PDE4B: variants seen among roughly 807,000 people sequenced by gnomAD.
PDE4B encodes 3',5'-cyclic-AMP phosphodiesterase 4B.
Under a neutral mutation model 82.2 loss-of-function variants are expected in PDE4B, and 20 were observed. The ratio of observed to expected loss-of-function variants is 0.24; its 90% CI spans 0.17 to 0.35. PDE4B has a LOEUF of 0.35. Ranked by LOEUF, PDE4B falls within the 10% of genes least tolerant of loss-of-function variation. The pLI, the probability that PDE4B is intolerant of heterozygous loss-of-function variation, is 1.00. For synonymous variants in PDE4B, 320 were observed against 318.9 expected (o/e 1.00, Z -0.04); for missense variants, 655 against 907.2 (o/e 0.72, Z 3.57).
rs762437724 is a variant in PDE4B at position 66,017,220 on chromosome 1, C to A, written c.281+98385C>A. ...TTGTATTTGTGTAACCAGTATCTCT[C>A]ATTCTGCTGCATATATATAAGGCCT... is the stretch of plus-strand genomic sequence containing the variant. On this transcript the variant is annotated intron_variant, in intron 3 of 16. Coordinates refer to ENST00000341517, the MANE Select transcript of PDE4B (RefSeq NM_002600.4). Among the ~76,000 whole-genome samples the A allele has an allele frequency of 2.0e-5, 3 of 152,296 alleles. No homozygotes were observed. The East Asian group carries it at 5.8e-4, about 29-fold the overall frequency.
At chr1:66,091,925 C>A (rs1039797883) in intron 3 of PDE4B, among the ~76,000 whole-genome samples, 5 of 152,008 alleles carry the variant, frequency 3.3e-5, no homozygotes, top group African/African-American at 4.8e-5. Flanking sequence ...GGTGATATAT[C>A]TAATATCCAT....
intron 3 of PDE4B, among the ~76,000 whole-genome samples, chr1:66,153,145 C>CCACA (rs1646436750): frequency 6.6e-6 from 1 of 152,144 alleles, no homozygotes; most frequent in Non-Finnish European, 1.5e-5. Flanking sequence ...TTCTCATGCC[C>CCACA]CACACCAGAT....
chr1:65,940,849 G>T (rs1262403785), intron 3 of PDE4B, among the ~76,000 whole-genome samples: 1 of 151,994 alleles, frequency 6.6e-6, no homozygotes, highest in Non-Finnish European at 1.5e-5. Context: ...TGAAATTTCA[G>T]ATGAGAGAGA....
intron 3 of PDE4B, among the ~76,000 whole-genome samples, chr1:65,958,454 A>G (rs1297367767): frequency 1.3e-5 from 2 of 152,134 alleles, no homozygotes; most frequent in South Asian, 2.1e-4. Flanking sequence ...TGGTATTTTA[A>G]AAAGTATCAA....
intron 3 of PDE4B, among the ~76,000 whole-genome samples, chr1:65,920,991 C>T (rs1426702883): frequency 4.5e-5 from 4 of 89,314 alleles, no homozygotes; most frequent in Non-Finnish European, 6.0e-5. Context: ...TTTTTTGAGA[C>T]GGAGTCTCGC....
At chr1:65,995,949 A>G (rs560999351) in intron 3 of PDE4B, among the ~76,000 whole-genome samples, 1 of 152,310 alleles carries the variant, frequency 6.6e-6, no homozygotes, top group African/African-American at 2.4e-5. Context: ...TAGATTTCAT[A>G]TTTCAGTCAG....
chr1:66,276,483 A>C (rs142562855), intron 7 of PDE4B, among the ~76,000 whole-genome samples: 5 of 152,356 alleles, frequency 3.3e-5, no homozygotes, highest in African/African-American at 9.6e-5. Context: ...GGAAAATGTC[A>C]TAGCAAGAAA....
At chr1:66,257,375 G>T (rs1443725288) in intron 4 of PDE4B, 1 of 582,944 alleles carries the variant, frequency 1.7e-6, no homozygotes. Flanking sequence ...GTTATTTAAT[G>T]GGAATATATC....
intron 3 of PDE4B, among the ~76,000 whole-genome samples, chr1:66,177,091 T>C (rs1438179186): frequency 6.6e-6 from 1 of 152,178 alleles, no homozygotes; most frequent in African/African-American, 2.4e-5. Flanking sequence ...GGAGGTGACA[T>C]TTGACTTCAG....
chr1:65,973,654 C>G lies in PDE4B; in HGVS notation c.281+54819C>G, dbSNP rs898137419. Among the ~76,000 whole-genome samples, 3 of 152,226 alleles carry G rather than the reference C, an allele frequency of 2.0e-5. No individual in the cohort carries two copies. The East Asian group carries it at 5.8e-4, about 29-fold the overall frequency. Reference sequence around the variant, plus strand: ...GCAGGAAGGTATTGTGGGAAAAACACTAAAAGGAACAACACAAGATCTCTC... The same window carrying G: ...GCAGGAAGGTATTGTGGGAAAAACAGTAAAAGGAACAACACAAGATCTCTC... On this transcript the variant is annotated intron_variant, in intron 3 of 16. Coordinates refer to ENST00000341517, the MANE Select transcript of PDE4B (RefSeq NM_002600.4).
intron 3 of PDE4B, among the ~76,000 whole-genome samples, chr1:66,211,072 G>A (rs1271455550): frequency 6.6e-6 from 1 of 152,184 alleles, no homozygotes; most frequent in Non-Finnish European, 1.5e-5. Flanking sequence ...CCTGATGACA[G>A]AGCACAGCAG....
intron 3 of PDE4B, among the ~76,000 whole-genome samples, chr1:66,043,928 G>A (rs1361810898): frequency 6.6e-6 from 1 of 151,710 alleles, no homozygotes; most frequent in African/African-American, 2.4e-5. Flanking sequence ...GATTGGTAAG[G>A]ACTAAAGATG....
At chr1:66,086,643 T>G (rs2100977439) in intron 3 of PDE4B, among the ~76,000 whole-genome samples, 1 of 152,350 alleles carries the variant, frequency 6.6e-6, no homozygotes, top group African/African-American at 2.4e-5. Flanking sequence ...ATTTTCACAT[T>G]TGACTCTTTG....
At chr1:66,116,929 AC>A (rs1645607796) in intron 3 of PDE4B, among the ~76,000 whole-genome samples, 1 of 152,050 alleles carries the variant, frequency 6.6e-6, no homozygotes, top group African/African-American at 2.4e-5. Context: ...CCAGGATGTC[AC>A]CTGGCTGAGT....
intron 16 of PDE4B, among the ~76,000 whole-genome samples, chr1:66,369,480 A>G (rs549080344): frequency 6.6e-5 from 10 of 152,282 alleles, no homozygotes; most frequent in African/African-American, 2.4e-4. Context: ...ACATGCTGAC[A>G]TTTTCTGGTT....
intron 3 of PDE4B, among the ~76,000 whole-genome samples, chr1:65,928,302 C>T (rs35185259): frequency 0.17 from 25,626 of 151,882 alleles, 2,798 homozygotes; most frequent in Non-Finnish European, 0.24. Context: ...AGTCTTTTGT[C>T]CATTCGACCT....
intron 3 of PDE4B, among the ~76,000 whole-genome samples, chr1:66,076,491 C>G (rs72920211): frequency 0.017 from 2,610 of 152,082 alleles, 79 homozygotes; most frequent in African/African-American, 0.059. Flanking sequence ...ATGAGTGCAC[C>G]TGCCTTTTTG....
intron 1 of PDE4B, among the ~76,000 whole-genome samples, chr1:65,819,427 T>G (rs1013496898): frequency 6.6e-6 from 1 of 152,156 alleles, no homozygotes; most frequent in Admixed American, 6.5e-5. Flanking sequence ...TCTGAATGAC[T>G]TTGCTATTTA....
At chr1:66,063,522 A>G (rs187862116) in intron 3 of PDE4B, among the ~76,000 whole-genome samples, 50 of 152,096 alleles carry the variant, frequency 3.3e-4, no homozygotes, top group Admixed American at 7.9e-4. Context: ...CATAATAATT[A>G]TACATGTTTA....
Sources: gnomAD v4.1 joint callset for allele counts (sites outside exome capture counted in the v4.1 genomes callset) on GRCh38, gnomAD v4.1.1 for gene constraint, MANE v1.5 for transcripts, NCBI Gene and HGNC (gene_info 2026-07-23, HGNC 2026-07-21) for gene names.